Variants in KCNN2 observed in about 807,000 individuals in gnomAD.
KCNN2 encodes the protein small conductance calcium-activated potassium channel protein 2.
KCNN2 carries 24 observed loss-of-function variants against 55.5 expected under a neutral mutation model. The ratio of observed to expected loss-of-function variants is 0.43; its 90% CI spans 0.31 to 0.61. The LOEUF (loss-of-function observed/expected upper bound fraction) is 0.61. KCNN2 is among the 20% of genes least tolerant of loss of function. KCNN2 has a pLI of 0.08. For missense variants in KCNN2, 754 were observed against 853.6 expected, an observed-to-expected ratio of 0.88 and a Z score of 1.45; for synonymous variants, 431 against 336.1, an observed-to-expected ratio of 1.28 and a Z score of -3.09.
chr5:114,176,774 A>G (rs188097365), intron 1 of KCNN2, among the ~76,000 whole-genome samples: 1 of 152,318 alleles, frequency 6.6e-6, no homozygotes, highest in East Asian at 1.9e-4. Flanking sequence ...GGGATATTAG[A>G]TACAGAACTG....
intron 1 of KCNN2, among the ~76,000 whole-genome samples, chr5:114,112,615 G>C (rs553948211): frequency 6.6e-6 from 1 of 152,110 alleles, no homozygotes; most frequent in East Asian, 1.9e-4. Context: ...TCTCTAGTAA[G>C]TATATAAACT....
chr5:114,299,890 A>C (rs1406005435), intron 2 of KCNN2, among the ~76,000 whole-genome samples: 1 of 152,074 alleles, frequency 6.6e-6, no homozygotes, highest in Non-Finnish European at 1.5e-5. Context: ...ATTACTCCCT[A>C]CACACAGGGT....
intron 1 of KCNN2, among the ~76,000 whole-genome samples, chr5:114,154,053 A>G (rs1315054540): frequency 6.6e-6 from 1 of 152,130 alleles, no homozygotes; most frequent in African/African-American, 2.4e-5. Context: ...ATCACATGCC[A>G]TCCCCTTGTA....
intron 1 of KCNN2, among the ~76,000 whole-genome samples, chr5:114,152,089 CAG>C (rs1242366357): frequency 3.3e-5 from 5 of 152,008 alleles, no homozygotes; most frequent in African/African-American, 9.7e-5. Context: ...ATTTGAAGCT[CAG>C]ATGTTATGGA....
Position 114,202,655 on chromosome 5 carries a change from C to T in KCNN2, c.-270-18825C>T, listed in dbSNP as rs186234081. Among the ~76,000 whole-genome samples the T allele has an allele frequency of 8.7e-3, 1,260 of 144,504 alleles. 23 individuals are homozygous for T. Among genetic ancestry groups the T allele is most frequent in the African/African-American group, 0.029 (1,159 of 39,352 alleles). 94.8% of individuals were successfully genotyped at this position (144,504 alleles called of 152,430 possible). ...AGGCTGGAGTGCAGTGGCGCGATCTCGGCTCACTGCAAGCTCCTCCTCCCG... is the reference window on the plus strand; with the variant it reads ...AGGCTGGAGTGCAGTGGCGCGATCTTGGCTCACTGCAAGCTCCTCCTCCCG... On this transcript the variant is annotated intron_variant, in intron 1 of 10. Coordinates refer to the KCNN2 transcript ENST00000512097.
At chr5:114,469,172 T>C (rs1050969492) in intron 4 of KCNN2, among the ~76,000 whole-genome samples, 8 of 152,170 alleles carry the variant, frequency 5.3e-5, no homozygotes, top group African/African-American at 1.9e-4. Flanking sequence ...TCTGTTCAGT[T>C]TAATCTGGCT....
intron 1 of KCNN2, among the ~76,000 whole-genome samples, chr5:114,164,129 A>T (rs1466797570): frequency 6.6e-6 from 1 of 152,220 alleles, no homozygotes; most frequent in South Asian, 2.1e-4. Flanking sequence ...AAGTATTACA[A>T]AAGTATTACT....
chr5:114,416,770 C>T (rs75884754), intron 3 of KCNN2, among the ~76,000 whole-genome samples: 283 of 152,096 alleles, frequency 1.9e-3, no homozygotes, highest in Non-Finnish European at 2.7e-3. Flanking sequence ...TAAGATTTTA[C>T]GGACTTTTGT....
intron 2 of KCNN2, among the ~76,000 whole-genome samples, chr5:114,355,051 T>A (rs1757272983): frequency 6.6e-6 from 1 of 152,204 alleles, no homozygotes; most frequent in Non-Finnish European, 1.5e-5. Flanking sequence ...ATTGTTACAT[T>A]TAATTTAACT....
At chr5:114,342,436 A>T (rs1017482973) in intron 2 of KCNN2, among the ~76,000 whole-genome samples, 1 of 150,952 alleles carries the variant, frequency 6.6e-6, no homozygotes, top group African/African-American at 2.5e-5. Context: ...TGCAAGCCAT[A>T]TGGTGTGTGC....
chr5:114,451,261 T>C (rs1183107784), intron 3 of KCNN2, among the ~76,000 whole-genome samples: 3 of 152,224 alleles, frequency 2.0e-5, no homozygotes, highest in East Asian at 3.8e-4. Context: ...CCCTTTTCCA[T>C]TGGGACATCG....
rs1202407687 is a variant in KCNN2, at chr5:114,150,752, T to C, written c.-270-70728T>C. On this transcript the variant is annotated intron_variant, in intron 1 of 10. Coordinates refer to the KCNN2 transcript ENST00000512097. ...ACCAAATAAGCAAGGCCGGGCACAG[T>C]GGCTTACACCTGGAATCCCAGAACT... 5.9e-5 allele frequency among the ~76,000 whole-genome samples: 9 copies of C among 152,296 alleles called. No individual in the cohort carries two copies. The South Asian group carries it at 1.9e-3, about 32-fold the overall frequency.
intron 3 of KCNN2, among the ~76,000 whole-genome samples, chr5:114,450,227 C>T (rs540648609): frequency 6.6e-6 from 1 of 152,358 alleles, no homozygotes; most frequent in East Asian, 1.9e-4. Context: ...ATCAGCAGAG[C>T]CTGGCACACA....
At chr5:114,217,797 T>C (rs77408228) in intron 1 of KCNN2, among the ~76,000 whole-genome samples, 2,762 of 151,954 alleles carry the variant, frequency 0.018, 77 homozygotes, top group African/African-American at 0.062. Flanking sequence ...AATGACACTG[T>C]CAAAAGAAGA....
intron 1 of KCNN2, among the ~76,000 whole-genome samples, chr5:114,205,101 A>G (rs1219481667): frequency 3.3e-5 from 5 of 151,962 alleles, no homozygotes; most frequent in Admixed American, 3.3e-4. Flanking sequence ...TTCTAATTCA[A>G]TAAGTCACTC....
intron 2 of KCNN2, among the ~76,000 whole-genome samples, chr5:114,251,751 T>C (rs898142894): frequency 2.6e-5 from 4 of 152,300 alleles, no homozygotes; most frequent in African/African-American, 9.6e-5. Context: ...TTTCCTCAGA[T>C]AGTGTAGATT....
At chr5:114,400,360 C>A (rs1467069236) in intron 2 of KCNN2, among the ~76,000 whole-genome samples, 1 of 152,102 alleles carries the variant, frequency 6.6e-6, no homozygotes, top group Non-Finnish European at 1.5e-5. Context: ...CATGACAGTC[C>A]CCCAATTTAG....
intron 2 of KCNN2, among the ~76,000 whole-genome samples, chr5:114,280,641 T>A (rs1755605001): frequency 6.6e-6 from 1 of 152,198 alleles, no homozygotes; most frequent in African/African-American, 2.4e-5. Context: ...GAGGGCTCTA[T>A]TCTGTTCCAT....
At chr5:114,310,404 C>A (rs1756371870) in intron 2 of KCNN2, among the ~76,000 whole-genome samples, 1 of 152,122 alleles carries the variant, frequency 6.6e-6, no homozygotes, top group Non-Finnish European at 1.5e-5. Context: ...CATTTAATTT[C>A]CTTTTCTCTA....
Sources: gnomAD v4.1 joint callset for allele counts (sites outside exome capture counted in the v4.1 genomes callset) on GRCh38, gnomAD v4.1.1 for gene constraint, MANE v1.5 for transcripts, NCBI Gene and HGNC (gene_info 2026-07-23, HGNC 2026-07-21) for gene names.